DGKB: variants seen among roughly 807,000 people sequenced by gnomAD.
DGKB encodes diacylglycerol kinase beta.
DGKB carries 67 observed loss-of-function variants against 114.3 expected under a neutral mutation model. The ratio of observed to expected loss-of-function variants is 0.59; its 90% CI spans 0.48 to 0.72. The LOEUF (loss-of-function observed/expected upper bound fraction) is 0.72. Among genes scored for constraint, DGKB ranks in the 30% least tolerant of loss-of-function variants. DGKB has a pLI of 0.00. For missense variants in DGKB, 907 were observed against 975.2 expected (o/e 0.93, Z 0.93); for synonymous variants, 398 against 323.1 (o/e 1.23, Z -2.49).
At chr7:14,887,417 G>A (rs2128221361) in intron 1 of DGKB, among the ~76,000 whole-genome samples, 1 of 151,632 alleles carries the variant, frequency 6.6e-6, no homozygotes, top group Non-Finnish European at 1.5e-5. Context: ...CTTCTCTATT[G>A]CAAAAAAATT....
In DGKB at chr7:14,172,547, C is replaced by T. The variant is rs547263382; in HGVS notation, c.2304+4292G>A. 3.9e-5 allele frequency among the ~76,000 whole-genome samples: 6 copies of T among 152,038 alleles called. No homozygotes were observed. The East Asian group carries it at 1.2e-3, about 29-fold the overall frequency. ...TACAGGATGACTTTCAGATTTCTAG[C>T]TTAGGAAACACCAGGTGTTTCAATG... On this transcript the variant is annotated intron_variant, in intron 25 of 25. Transcript: ENST00000402815.
intron 1 of DGKB, among the ~76,000 whole-genome samples, chr7:14,958,271 G>T (rs1786630234): frequency 6.6e-6 from 1 of 151,964 alleles, no homozygotes; most frequent in Non-Finnish European, 1.5e-5. Flanking sequence ...GGCCTGAATG[G>T]TCTCATGAGG....
chr7:14,149,566 T>C (rs1184782346), intron 25 of DGKB, among the ~76,000 whole-genome samples: 1 of 152,148 alleles, frequency 6.6e-6, no homozygotes, highest in Non-Finnish European at 1.5e-5. Context: ...TCCAGTATTA[T>C]TTCTTGACCA....
chr7:14,692,211 C>T (rs1223917063), intron 9 of DGKB, among the ~76,000 whole-genome samples: 4 of 152,000 alleles, frequency 2.6e-5, no homozygotes, highest in African/African-American at 9.7e-5. Flanking sequence ...TCTCTTGTGA[C>T]ATTTAAAATA....
chr7:14,244,594 T>C (rs543780711), intron 23 of DGKB, among the ~76,000 whole-genome samples: 2 of 140,348 alleles, frequency 1.4e-5, no homozygotes, highest in African/African-American at 5.4e-5. Context: ...CGCTTGAATC[T>C]GGGAGGCGCG....
chr7:14,425,873 T>G (rs1040581657), intron 21 of DGKB, among the ~76,000 whole-genome samples: 2 of 152,144 alleles, frequency 1.3e-5, no homozygotes, highest in Non-Finnish European at 2.9e-5. Context: ...TAAGTCAGTA[T>G]TACAGCAGTA....
At chr7:14,865,038 T>C (rs928340144) in intron 1 of DGKB, among the ~76,000 whole-genome samples, 1 of 152,030 alleles carries the variant, frequency 6.6e-6, no homozygotes, top group African/African-American at 2.4e-5. Flanking sequence ...AGATGAGGGA[T>C]GAAGAGGAAA....
At chr7:14,828,645 G>T (rs1188218578) in intron 2 of DGKB, among the ~76,000 whole-genome samples, 1 of 152,012 alleles carries the variant, frequency 6.6e-6, no homozygotes, top group Non-Finnish European at 1.5e-5. Context: ...CATGGTATTG[G>T]ATTTGCTTGG....
At chr7:14,896,350 C>G (rs542423085) in intron 1 of DGKB, among the ~76,000 whole-genome samples, 1 of 151,764 alleles carries the variant, frequency 6.6e-6, no homozygotes, top group South Asian at 2.1e-4. Flanking sequence ...TGTTGTTTAA[C>G]TTATCTATGT....
intron 20 of DGKB, among the ~76,000 whole-genome samples, chr7:14,529,622 A>G (rs1791227215): frequency 6.6e-6 from 1 of 151,798 alleles, no homozygotes; most frequent in African/African-American, 2.4e-5. Context: ...TTACCTAAGG[A>G]ATATGAATAA....
At chr7:14,552,390 G>C (rs1795224166) in intron 20 of DGKB, among the ~76,000 whole-genome samples, 2 of 152,154 alleles carry the variant, frequency 1.3e-5, no homozygotes, top group African/African-American at 4.8e-5. Flanking sequence ...ACTAATGTAA[G>C]TACACTGTCA....
intron 1 of DGKB, among the ~76,000 whole-genome samples, chr7:14,852,399 G>C (rs1314068162): frequency 7.1e-6 from 1 of 141,120 alleles, no homozygotes; most frequent in Non-Finnish European, 1.5e-5. Flanking sequence ...TAATAAGGAA[G>C]GGCTTTGGTA....
At chr7:14,299,001 C>T (rs1158734408) in intron 23 of DGKB, among the ~76,000 whole-genome samples, 2 of 152,178 alleles carry the variant, frequency 1.3e-5, no homozygotes, top group African/African-American at 4.8e-5. Context: ...GAGATACCAT[C>T]TCATACCAGT....
At chr7:14,885,492 C>T (rs1161552799) in intron 1 of DGKB, among the ~76,000 whole-genome samples, 1 of 151,720 alleles carries the variant, frequency 6.6e-6, no homozygotes, top group African/African-American at 2.4e-5. Context: ...GGAAGAAACT[C>T]GTGAGGAGGG....
intron 5 of DGKB, among the ~76,000 whole-genome samples, chr7:14,726,319 T>C (rs1830023999): frequency 6.6e-6 from 1 of 152,010 alleles, no homozygotes; most frequent in Non-Finnish European, 1.5e-5. Flanking sequence ...TTTGTATTTT[T>C]AGTAGAGACG....
At chr7:14,557,666 C>A (rs1213013399) in intron 20 of DGKB, among the ~76,000 whole-genome samples, 1 of 151,648 alleles carries the variant, frequency 6.6e-6, no homozygotes, top group Non-Finnish European at 1.5e-5. Flanking sequence ...GATAGAAAAT[C>A]TTCATATATT....
chr7:14,899,829 C>A (rs1782704800), intron 1 of DGKB, among the ~76,000 whole-genome samples: 1 of 152,146 alleles, frequency 6.6e-6, no homozygotes, highest in Admixed American at 6.6e-5. Context: ...ATATGCTCAA[C>A]CCCACCCTGA....
At chr7:14,467,475 T>C (rs1018931998) in intron 21 of DGKB, among the ~76,000 whole-genome samples, 2 of 151,664 alleles carry the variant, frequency 1.3e-5, no homozygotes, top group Non-Finnish European at 2.9e-5. Context: ...GCATATTATA[T>C]ATATACTTAT....
chr7:14,239,733 T>C (rs1381468576), intron 23 of DGKB, among the ~76,000 whole-genome samples: 1 of 152,056 alleles, frequency 6.6e-6, no homozygotes, highest in Non-Finnish European at 1.5e-5. Flanking sequence ...CAATATAAAG[T>C]TGCTCCAGAC....
Sources: allele counts gnomAD v4.1 joint callset (sites outside exome capture counted in the v4.1 genomes callset), GRCh38; gene constraint gnomAD v4.1.1; transcripts MANE v1.5; gene names NCBI Gene and HGNC (gene_info 2026-07-23, HGNC 2026-07-21).